Variants in PCDHGA7 observed in about 807,000 individuals in gnomAD.
The protein encoded by PCDHGA7 is protocadherin gamma-A7.
In PCDHGA7, 44 loss-of-function variants were observed where a neutral mutation model predicts 58.3. The observed-to-expected ratio is 0.75, with a 90% CI of 0.59 to 0.97. The LOEUF (loss-of-function observed/expected upper bound fraction) is 0.97. PCDHGA7 is among the 50% of genes least tolerant of loss of function. The probability of loss-of-function intolerance (pLI) is 0.00; values close to 1 mark genes in which losing one functional copy is unlikely to be tolerated. For synonymous variants in PCDHGA7, 516 were observed against 504.2 expected, an observed-to-expected ratio of 1.02 and a Z score of -0.31; for missense variants, 1,266 against 1,188.7, an observed-to-expected ratio of 1.06 and a Z score of -0.96.
intron 1 of PCDHGA7, chr5:141,409,410 A>G (rs1465791228): frequency 6.2e-7 from 1 of 1,614,036 alleles, no homozygotes; most frequent in African/African-American, 1.3e-5. Flanking sequence ...AACTACTACA[A>G]ACTGGTGACA....
At chr5:141,437,463 AC>A (rs2097887109) in intron 1 of PCDHGA7, among the ~76,000 whole-genome samples, 1 of 152,184 alleles carries the variant, frequency 6.6e-6, no homozygotes, top group Non-Finnish European at 1.5e-5. Flanking sequence ...ACTATACTAT[AC>A]TTTTATAGCA....
intron 1 of PCDHGA7, among the ~76,000 whole-genome samples, chr5:141,434,490 G>A (rs566645029): frequency 2.5e-4 from 38 of 152,274 alleles, no homozygotes; most frequent in Non-Finnish European, 4.9e-4. Flanking sequence ...CACCTGGCCC[G>A]CCCAGGGCAG....
At chr5:141,449,282 G>A (rs1285842278) in intron 1 of PCDHGA7, among the ~76,000 whole-genome samples, 17 of 152,002 alleles carry the variant, frequency 1.1e-4, no homozygotes, top group Admixed American at 4.6e-4. Context: ...CCTTCACCCG[G>A]ATGCACCGGG....
At chr5:141,469,373 G>A (rs532041259) in intron 1 of PCDHGA7, among the ~76,000 whole-genome samples, 3 of 151,992 alleles carry the variant, frequency 2.0e-5, no homozygotes, top group South Asian at 2.1e-4. Context: ...TAAAGAGATC[G>A]AGACCATCCT....
chr5:141,428,037 C>G lies in PCDHGA7; in HGVS notation c.2424+42714C>G, dbSNP rs762273592. 3.7e-6 allele frequency: 6 copies of G among 1,608,340 alleles called. No homozygotes were observed. In the African/African-American group the frequency reaches 8.0e-5, roughly 21 times the overall value. ...GCCACGCGCCGCAGAGTCCGGCTACCTGGTGACCAAGGTGGTGGCGGTGGA... is the reference window on the plus strand; with the variant it reads ...GCCACGCGCCGCAGAGTCCGGCTACGTGGTGACCAAGGTGGTGGCGGTGGA... On this transcript the variant is annotated intron_variant, in intron 1 of 3. Coordinates refer to ENST00000518325, the MANE Select transcript of PCDHGA7 (RefSeq NM_018920.4).
chr5:141,493,330 A>G lies in PCDHGA7; in HGVS notation c.2425-1477A>G, dbSNP rs979607147. 6.6e-6 allele frequency among the ~76,000 whole-genome samples: 1 copy of G among 152,182 alleles called. No homozygotes were observed. Among genetic ancestry groups the G allele is most frequent in the Non-Finnish European group, 1.5e-5 (1 of 68,020 alleles). On this transcript the variant is annotated intron_variant, in intron 1 of 3. Coordinates refer to ENST00000518325, the MANE Select transcript of PCDHGA7 (RefSeq NM_018920.4). The surrounding 1 kb of genome is among the most constrained non-coding windows in gnomAD (Gnocchi z 4.3). ...GTAAGAGAGATTCTAACCCCTGTCT[A>G]ACTCCAGAATGTGTGCTTTTAATTT... is the stretch of plus-strand genomic sequence containing the variant.
chr5:141,432,196 C>G lies in PCDHGA7; in HGVS notation c.2424+46873C>G, dbSNP rs200790843. ...TCGTCTCTGTGACCGCCCACGACCC[C>G]GACTGTGAAGAGAACGCCCAGATCA... On this transcript the variant is annotated intron_variant, in intron 1 of 3. Transcript: ENST00000518325. The surrounding 1 kb of genome is among the most constrained non-coding windows in gnomAD (Gnocchi z 6.0). The G allele has an allele frequency of 6.2e-7, 1 of 1,614,192 alleles. No individual in the cohort carries two copies. Among genetic ancestry groups the G allele is most frequent in the East Asian group, 2.2e-5 (1 of 44,880 alleles).
chr5:141,480,413 T>C (rs1478520852), intron 1 of PCDHGA7, among the ~76,000 whole-genome samples: 2 of 135,292 alleles, frequency 1.5e-5, no homozygotes, highest in African/African-American at 3.0e-5. Context: ...AGACCCTGTC[T>C]CAAAAAAAAA....
In PCDHGA7 at chr5:141,511,402, A is replaced by C; in HGVS notation, c.*229A>C. On this transcript the variant is annotated 3_prime_UTR_variant, in exon 4 of 4. Transcript: ENST00000518325. Reference sequence around the variant, plus strand: ...TTCCGCTGGGAACCCCCATCCAATCAACTGCTGTACCCATGGGGGTAGTGG... The same window carrying C: ...TTCCGCTGGGAACCCCCATCCAATCCACTGCTGTACCCATGGGGGTAGTGG... The C allele has an allele frequency of 1.0e-6, 1 of 969,684 alleles. No individual in the cohort carries two copies. 60.1% of individuals were successfully genotyped at this position (969,684 alleles called of 1,614,324 possible).
chr5:141,409,912 C>A (rs775668669), intron 1 of PCDHGA7: 2 of 1,613,180 alleles, frequency 1.2e-6, no homozygotes, highest in African/African-American at 2.7e-5. Flanking sequence ...TGGGTCCTGA[C>A]GGCTCCGCGT....
chr5:141,478,623 GT>G (rs1337268572), intron 1 of PCDHGA7: 14 of 1,554,358 alleles, frequency 9.0e-6, no homozygotes, highest in African/African-American at 1.4e-5. Context: ...GAATGGAGCT[GT>G]TTTTTTAGTG....
At chr5:141,414,918 G>A (rs1316323072) in intron 1 of PCDHGA7, 2 of 1,614,180 alleles carry the variant, frequency 1.2e-6, no homozygotes, top group Admixed American at 3.3e-5. Flanking sequence ...GCGTGGAGCT[G>A]GCGCCCCGCT....
rs748591129 is a variant in PCDHGA7 at position 141,388,776 on chromosome 5, G to A, written c.2424+3453G>A. ...ATTTGACCTGAACTCTAACACCGGG[G>A]AAATTACTGTTTTAAATACATTAGA... On this transcript the variant is annotated intron_variant, in intron 1 of 3. Transcript: ENST00000518325. 8.7e-6 allele frequency: 14 copies of A among 1,613,806 alleles called. 1 individual carries two copies. In the South Asian group the frequency reaches 1.1e-4, roughly 13 times the overall value.
intron 1 of PCDHGA7, chr5:141,399,178 A>T: frequency 6.2e-7 from 1 of 1,613,892 alleles, no homozygotes; most frequent in Admixed American, 1.7e-5. Flanking sequence ...TCTACTTGAA[A>T]TGATTCTGGA....
intron 2 of PCDHGA7, among the ~76,000 whole-genome samples, chr5:141,501,061 G>T (rs746369272): frequency 1.5e-4 from 23 of 152,118 alleles, no homozygotes; most frequent in Non-Finnish European, 2.1e-4. Flanking sequence ...TAGAGACGGG[G>T]TTTCACCATG....
chr5:141,417,919 G>C, intron 1 of PCDHGA7: 1 of 1,605,944 alleles, frequency 6.2e-7, no homozygotes, highest in Non-Finnish European at 8.5e-7. Flanking sequence ...TATTTCCTTT[G>C]CTGCTGCCTT....
At chr5:141,441,747 G>A in intron 1 of PCDHGA7, 2 of 372,470 alleles carry the variant, frequency 5.4e-6, no homozygotes, top group Non-Finnish European at 5.4e-6. Flanking sequence ...CGCGCTCGGC[G>A]TCAACGTGAG....
At chr5:141,399,053 A>G (rs2093744168) in intron 1 of PCDHGA7, 2 of 1,613,630 alleles carry the variant, frequency 1.2e-6, no homozygotes, top group East Asian at 2.2e-5. Context: ...GAAGAGACCA[A>G]GGAATATTCA....
chr5:141,482,049 C>G (rs1456071625), intron 1 of PCDHGA7, among the ~76,000 whole-genome samples: 2 of 149,284 alleles, frequency 1.3e-5, no homozygotes, highest in Non-Finnish European at 3.0e-5. Context: ...CATGCTGTTG[C>G]ATTCCAGCCT....
Sources: gnomAD v4.1 joint callset for allele counts (sites outside exome capture counted in the v4.1 genomes callset) on GRCh38, gnomAD v4.1.1 for gene constraint, Gnocchi (gnomAD v3.1) non-coding constraint, MANE v1.5 for transcripts, NCBI Gene and HGNC (gene_info 2026-07-23, HGNC 2026-07-21) for gene names.